The following ATP5PO variants were observed in gnomAD, a reference collection of about 807,000 sequenced individuals.
The protein encoded by ATP5PO is ATP synthase peripheral stalk subunit OSCP, mitochondrial.
Under a neutral mutation model 26.2 loss-of-function variants are expected in ATP5PO, and 14 were observed. The ratio of observed to expected loss-of-function variants is 0.53; its 90% CI spans 0.35 to 0.83. ATP5PO has a LOEUF of 0.83. ATP5PO is among the 40% of genes least tolerant of loss of function. The probability of loss-of-function intolerance (pLI) is 0.01; values close to 1 mark genes in which losing one functional copy is unlikely to be tolerated. For synonymous variants in ATP5PO, 106 were observed against 95.1 expected (o/e 1.12, Z -0.67); for missense variants, 241 against 258.5 (o/e 0.93, Z 0.46).
chr21:33,913,062 T>C (rs989630136), intron 2 of ATP5PO, among the ~76,000 whole-genome samples: 10 of 152,226 alleles, frequency 6.6e-5, no homozygotes, highest in Non-Finnish European at 8.8e-5. Flanking sequence ...AAAGATTTAG[T>C]TCCAGTCCAG....
chr21:33,907,913 T>A (rs1235810152), intron 4 of ATP5PO, among the ~76,000 whole-genome samples: 1 of 151,794 alleles, frequency 6.6e-6, no homozygotes, highest in African/African-American at 2.4e-5. Flanking sequence ...GCACTTTGGA[T>A]GGCCGAGATG....
intron 3 of ATP5PO, among the ~76,000 whole-genome samples, chr21:33,911,420 GAACAA>G (rs1987245490): frequency 6.6e-6 from 1 of 152,040 alleles, no homozygotes; most frequent in Non-Finnish European, 1.5e-5. Flanking sequence ...CACATTTTGG[GAACAA>G]AATAATTAAG....
At chr21:33,906,864 C>A (rs1422514102) in intron 5 of ATP5PO, 2 of 429,772 alleles carry the variant, frequency 4.7e-6, no homozygotes, top group South Asian at 1.7e-5. Context: ...GGTGGGGGTG[C>A]ACTGTAATCC....
At chr21:33,907,101 T>C in intron 5 of ATP5PO, 1 of 503,178 alleles carries the variant, frequency 2.0e-6, no homozygotes, top group East Asian at 3.5e-5. Flanking sequence ...CATTTTGATG[T>C]ACTTTACATT....
chr21:33,906,615 A>ACT (rs3831798), intron 5 of ATP5PO: 302,870 of 453,410 alleles, frequency 0.67, 102,136 homozygotes, highest in South Asian at 0.73. Context: ...ATTATAGCCC[A>ACT]CTATCAAGTC....
intron 3 of ATP5PO, among the ~76,000 whole-genome samples, chr21:33,911,899 C>T (rs568846070): frequency 6.6e-6 from 1 of 152,078 alleles, no homozygotes; most frequent in South Asian, 2.1e-4. Context: ...CTCATGACCT[C>T]CTGATCTGCC....
rs1170981975 is a variant in ATP5PO, at chr21:33,915,774, G to C, written c.-11C>G. ...TGCTGGGGCAGCCATCTTCTCCCGG[G>C]CGGCTGTAGGTCAAACCCGAGTGGG... On this transcript the variant is annotated 5_prime_UTR_variant, in exon 1 of 7. Transcript: ENST00000290299. 6.4e-7 allele frequency: 1 copy of C among 1,567,320 alleles called. No individual in the cohort carries two copies. Among genetic ancestry groups the C allele is most frequent in the Middle Eastern group, 1.7e-4 (1 of 6,010 alleles).
At chr21:33,911,669 T>TTC (rs1987250119) in intron 3 of ATP5PO, among the ~76,000 whole-genome samples, 1 of 136,668 alleles carries the variant, frequency 7.3e-6, no homozygotes, top group Admixed American at 7.2e-5. Flanking sequence ...TAGGTTTTTT[T>TTC]TTTTTTTTTT....
At chr21:33,904,134 T>A (rs1987138567) in intron 5 of ATP5PO, 113 bp from the exon 6 acceptor site, 1 of 827,794 alleles carries the variant, frequency 1.2e-6, no homozygotes, top group African/African-American at 1.7e-5. Flanking sequence ...CTCCCTTTGC[T>A]ACCTGGGCCC....
rs1160668569 is a variant in ATP5PO at position 33,914,826 on chromosome 21, C to T, written c.37-326G>A. 6 of 254,192 alleles carry T rather than the reference C, an allele frequency of 2.4e-5. No individual in the cohort carries two copies. In the East Asian group the frequency reaches 5.4e-4, roughly 23 times the overall value. 15.7% of individuals were successfully genotyped at this position (254,192 alleles called of 1,614,324 possible). On this transcript the variant is annotated intron_variant, in intron 1 of 6. Transcript: ENST00000290299. Reference sequence around the variant, plus strand: ...CAAAAATATTTAACCAAAATTTTGGCGTTTCTATTAACAGACCCTTGAGCA... The same window carrying T: ...CAAAAATATTTAACCAAAATTTTGGTGTTTCTATTAACAGACCCTTGAGCA...
chr21:33,903,953 T>C lies in ATP5PO; in HGVS notation c.510A>G (p.Val170=), dbSNP rs779168926. 1 of 1,611,732 alleles carries C rather than the reference T, an allele frequency of 6.2e-7. No homozygotes were observed. Among genetic ancestry groups the C allele is most frequent in the Admixed American group, 1.7e-5 (1 of 59,712 alleles). ...VLKSFLSQGQ[V]LKLEAKTDPS... ...AACCTACCTTAGCCTCCAATTTCAA[T>C]ACTTGGCCTTGACTTAGGAAGCTCT... Residue 170 remains valine (V), a synonymous_variant, in exon 6 of 7, where the codon GTA becomes GTG. Transcript: ENST00000290299.
intron 1 of ATP5PO, chr21:33,914,756 T>C (rs1181770819): frequency 1.6e-5 from 7 of 445,070 alleles, no homozygotes; most frequent in Non-Finnish European, 2.8e-5. Context: ...GAGGCTAGCA[T>C]ACCCGTAAGA....
At chr21:33,908,834 C>T in intron 4 of ATP5PO, 1 of 387,110 alleles carries the variant, frequency 2.6e-6, no homozygotes, top group East Asian at 3.9e-5. Context: ...GTTGAAACTA[C>T]TGACTATACA....
At chr21:33,904,790 GA>G (rs1245750782) in intron 5 of ATP5PO, among the ~76,000 whole-genome samples, 2 of 152,184 alleles carry the variant, frequency 1.3e-5, no homozygotes, top group Non-Finnish European at 2.9e-5. Flanking sequence ...ACCCAGGCTG[GA>G]GTAGAGTGGC....
rs774700870 is a variant in ATP5PO at position 33,915,764 on chromosome 21, C to T, written c.-1G>A. On this transcript the variant is annotated 5_prime_UTR_variant, in exon 1 of 7. Coordinates refer to ENST00000290299, the MANE Select transcript of ATP5PO (RefSeq NM_001697.3). ...GCCCGGACACTGCTGGGGCAGCCAT[C>T]TTCTCCCGGGCGGCTGTAGGTCAAA... 1.3e-5 allele frequency: 20 copies of T among 1,572,532 alleles called. 1 individual carries two copies. The South Asian group carries it at 1.3e-4, about 10-fold the overall frequency.
intron 2 of ATP5PO, among the ~76,000 whole-genome samples, chr21:33,913,377 A>C (rs1018377768): frequency 6.6e-6 from 1 of 152,136 alleles, no homozygotes; most frequent in Admixed American, 6.5e-5. Context: ...TTGGTGGGGA[A>C]AAGCGTGGGT....
intron 4 of ATP5PO, among the ~76,000 whole-genome samples, chr21:33,908,169 CAAAAAA>C (rs34768404): frequency 4.1e-5 from 4 of 97,682 alleles, no homozygotes; most frequent in Admixed American, 2.3e-4. Context: ...CACCCAGGCT[CAAAAAA>C]AAAAAAAAAA....
chr21:33,909,562 G>C (rs28427431), intron 3 of ATP5PO, among the ~76,000 whole-genome samples: 1 of 152,032 alleles, frequency 6.6e-6, no homozygotes, highest in African/African-American at 2.4e-5. Flanking sequence ...CACTGTGCCC[G>C]GCCATACAAA....
At chr21:33,913,566 G>A (rs1987275635) in intron 2 of ATP5PO, among the ~76,000 whole-genome samples, 1 of 152,174 alleles carries the variant, frequency 6.6e-6, no homozygotes, top group Admixed American at 6.5e-5. Context: ...TATCATTTCA[G>A]GGGGCCTTCT....
Sources: gnomAD v4.1 joint callset for allele counts (sites outside exome capture counted in the v4.1 genomes callset) on GRCh38, gnomAD v4.1.1 for gene constraint, MANE v1.5 for transcripts, NCBI Gene and HGNC (gene_info 2026-07-23, HGNC 2026-07-21) for gene names.